The following RBM20 variants were observed in gnomAD, a reference collection of about 807,000 sequenced individuals.
The protein encoded by RBM20 is RNA binding motif protein 20.
A neutral mutation model predicts 110.1 loss-of-function variants in RBM20; 51 were observed. That is an observed-to-expected ratio of 0.46 (90% CI 0.37 to 0.59). RBM20 has a LOEUF of 0.59. Ranked by LOEUF, RBM20 falls within the 20% of genes least tolerant of loss-of-function variation. The pLI is 0.00. For synonymous variants in RBM20, 589 were observed against 618.2 expected (o/e 0.95, Z 0.70); for missense variants, 1,512 against 1,574.9 (o/e 0.96, Z 0.68).
intron 1 of RBM20, among the ~76,000 whole-genome samples, chr10:110,736,344 C>A (rs1843669636): frequency 6.6e-6 from 1 of 151,882 alleles, no homozygotes; most frequent in Non-Finnish European, 1.5e-5. Context: ...TTTTTCCCTT[C>A]TTAGTCACAC....
At chr10:110,679,170 C>T (rs1197017261) in intron 1 of RBM20, among the ~76,000 whole-genome samples, 14 of 152,222 alleles carry the variant, frequency 9.2e-5, no homozygotes, top group Admixed American at 9.2e-4. Flanking sequence ...AGCACAGTAT[C>T]TGGCACATAG....
intron 1 of RBM20, among the ~76,000 whole-genome samples, chr10:110,725,383 G>C (rs776009572): frequency 1.3e-5 from 2 of 152,054 alleles, no homozygotes; most frequent in Non-Finnish European, 2.9e-5. Flanking sequence ...CGCCTGTTTC[G>C]GTGCTTGTTC....
intron 7 of RBM20, among the ~76,000 whole-genome samples, chr10:110,803,723 T>C (rs1449956650): frequency 6.9e-6 from 1 of 144,766 alleles, no homozygotes; most frequent in African/African-American, 2.6e-5. Flanking sequence ...TAGTAATGCA[T>C]GCTTTATGGT....
chr10:110,828,811 T>TG (rs1215299661), intron 12 of RBM20, among the ~76,000 whole-genome samples: 1 of 152,178 alleles, frequency 6.6e-6, no homozygotes, highest in African/African-American at 2.4e-5. Context: ...CAAGGTTTTT[T>TG]TTTGTTTGTT....
At chr10:110,730,116 C>G (rs952557349) in intron 1 of RBM20, among the ~76,000 whole-genome samples, 1 of 152,174 alleles carries the variant, frequency 6.6e-6, no homozygotes, top group African/African-American at 2.4e-5. Flanking sequence ...CCGTGCTTGG[C>G]CCTTCTCTTT....
chr10:110,767,804 A>G (rs1844126100), intron 1 of RBM20, among the ~76,000 whole-genome samples: 1 of 151,500 alleles, frequency 6.6e-6, no homozygotes, highest in African/African-American at 2.4e-5. Flanking sequence ...CACTTCCTAG[A>G]TGGGATGGCG....
chr10:110,798,723 A>G (rs1485815836), intron 6 of RBM20, among the ~76,000 whole-genome samples: 3 of 152,232 alleles, frequency 2.0e-5, no homozygotes, highest in African/African-American at 7.2e-5. Context: ...GAGAGAAGGA[A>G]GAGAATGAGC....
chr10:110,806,506 C>G (rs775837176), intron 7 of RBM20, among the ~76,000 whole-genome samples: 1 of 152,046 alleles, frequency 6.6e-6, no homozygotes, highest in Non-Finnish European at 1.5e-5. Context: ...AACTCTGTCA[C>G]GAGAGTAGTA....
intron 1 of RBM20, among the ~76,000 whole-genome samples, chr10:110,655,092 C>T (rs1436458424): frequency 2.0e-5 from 3 of 152,132 alleles, no homozygotes; most frequent in Non-Finnish European, 4.4e-5. Flanking sequence ...GAATGTTATA[C>T]TAATTCAAGC....
At chr10:110,675,078 C>A (rs1188333716) in intron 1 of RBM20, among the ~76,000 whole-genome samples, 1 of 74,948 alleles carries the variant, frequency 1.3e-5, no homozygotes, top group Non-Finnish European at 3.4e-5. Context: ...TGGTGGACTG[C>A]AATTTGTCTG....
Position 110,701,285 on chromosome 10 carries a change from TCACA to T in RBM20, c.191+56641_191+56644del, listed in dbSNP as rs1452709261. ...CTCCTAGTTTCTTCCAGCCTGGAGT[TCACA>T]GTGGGGCTTACTTCTCACCTGGTCA... is the stretch of plus-strand genomic sequence containing the variant. On this transcript the variant is annotated intron_variant, in intron 1 of 13. Transcript: ENST00000369519. 2.6e-5 allele frequency among the ~76,000 whole-genome samples: 4 copies of T among 152,228 alleles called. No individual in the cohort carries two copies. The East Asian group carries it at 7.7e-4, about 29-fold the overall frequency.
chr10:110,662,553 T>C (rs895537517), intron 1 of RBM20, among the ~76,000 whole-genome samples: 2 of 152,218 alleles, frequency 1.3e-5, no homozygotes, highest in African/African-American at 4.8e-5. Flanking sequence ...GTAAAACATA[T>C]CACTTTTTGG....
At chr10:110,776,431 G>T (rs1049919757) in intron 1 of RBM20, among the ~76,000 whole-genome samples, 2 of 152,230 alleles carry the variant, frequency 1.3e-5, no homozygotes, top group African/African-American at 4.8e-5. Flanking sequence ...CTGGACTACG[G>T]TCAAGGTGTT....
chr10:110,654,757 G>A (rs1480781654), intron 1 of RBM20, among the ~76,000 whole-genome samples: 4 of 152,224 alleles, frequency 2.6e-5, no homozygotes, highest in African/African-American at 4.8e-5. Flanking sequence ...GTAGTGAAAA[G>A]GAGCAGGAGC....
At chr10:110,819,857 G>A (rs376804681) in intron 9 of RBM20, among the ~76,000 whole-genome samples, 2 of 152,294 alleles carry the variant, frequency 1.3e-5, no homozygotes, top group African/African-American at 4.8e-5. Flanking sequence ...GTGTGACTGT[G>A]AGCAAATTAC....
intron 1 of RBM20, among the ~76,000 whole-genome samples, chr10:110,779,391 G>A (rs901557237): frequency 5.9e-5 from 9 of 152,200 alleles, no homozygotes; most frequent in Non-Finnish European, 1.5e-5. Flanking sequence ...GAGGATGTGG[G>A]AGCTCTGTAC....
intron 9 of RBM20, among the ~76,000 whole-genome samples, chr10:110,817,931 T>C (rs1234769438): frequency 6.6e-6 from 1 of 152,170 alleles, no homozygotes; most frequent in African/African-American, 2.4e-5. Context: ...AGGTTGAAGA[T>C]TTTTGCCTTT....
upstream of RBM20, among the ~76,000 whole-genome samples, chr10:110,643,781 T>C (rs1861822287): frequency 6.6e-6 from 1 of 152,184 alleles, no homozygotes. Context: ...AAGTCTGACC[T>C]CGGGGCGAGT....
intron 1 of RBM20, among the ~76,000 whole-genome samples, chr10:110,759,255 T>G (rs942074): frequency 0.81 from 123,913 of 152,088 alleles, 50,840 homozygotes; most frequent in African/African-American, 0.86. Flanking sequence ...TCCTTCAAGG[T>G]GTCTCTTTGT....
Sources: gnomAD v4.1 joint callset for allele counts (sites outside exome capture counted in the v4.1 genomes callset) on GRCh38, gnomAD v4.1.1 for gene constraint, MANE v1.5 for transcripts, NCBI Gene and HGNC (gene_info 2026-07-23, HGNC 2026-07-21) for gene names.